The following PID1 variants were observed in gnomAD, a reference collection of about 807,000 sequenced individuals.
The protein encoded by PID1 is phosphotyrosine interaction domain containing 1, also known as PTB-containing, cubilin and LRP1-interacting protein.
Under a neutral mutation model 19.1 loss-of-function variants are expected in PID1, and 10 were observed. That is an observed-to-expected ratio of 0.52 (90% CI 0.32 to 0.89). PID1 has a LOEUF of 0.89. Ranked by LOEUF, PID1 falls within the 40% of genes least tolerant of loss-of-function variation. The pLI, the probability that PID1 is intolerant of heterozygous loss-of-function variation, is 0.03. For missense variants in PID1, 248 were observed against 285.3 expected, an observed-to-expected ratio of 0.87 and a Z score of 0.94; for synonymous variants, 130 against 116.0, an observed-to-expected ratio of 1.12 and a Z score of -0.78.
At chr2:229,145,825 C>A (rs1690118645) in intron 2 of PID1, among the ~76,000 whole-genome samples, 1 of 152,060 alleles carries the variant, frequency 6.6e-6, no homozygotes, top group African/African-American at 2.4e-5. Flanking sequence ...GTTAAAAAAA[C>A]CACAGGTTTT....
intron 1 of PID1, among the ~76,000 whole-genome samples, chr2:229,161,518 C>A (rs773009205): frequency 6.6e-6 from 1 of 152,048 alleles, no homozygotes; most frequent in Non-Finnish European, 1.5e-5. Context: ...TAAAAAGAAG[C>A]CATTAACAAA....
At chr2:229,265,913 A>G (rs1690581962) in intron 1 of PID1, among the ~76,000 whole-genome samples, 2 of 152,342 alleles carry the variant, frequency 1.3e-5, no homozygotes, top group South Asian at 4.1e-4. Context: ...AACTCAGTAC[A>G]GTCAACACGA....
chr2:229,065,079 T>C (rs1430034752), intron 2 of PID1, among the ~76,000 whole-genome samples: 2 of 152,150 alleles, frequency 1.3e-5, no homozygotes, highest in African/African-American at 2.4e-5. Context: ...CTTTAACAGC[T>C]TGCACAGATG....
intron 1 of PID1, among the ~76,000 whole-genome samples, chr2:229,235,806 C>T (rs898838398): frequency 2.6e-5 from 4 of 152,108 alleles, no homozygotes; most frequent in Non-Finnish European, 4.4e-5. Flanking sequence ...CAAGAAGAAA[C>T]GCCAGCCAAA....
At chr2:229,110,095 C>T (rs1383942166) in intron 2 of PID1, among the ~76,000 whole-genome samples, 2 of 152,196 alleles carry the variant, frequency 1.3e-5, no homozygotes, top group African/African-American at 2.4e-5. Context: ...GACCTAAAGA[C>T]GCTGTAACCT....
intron 1 of PID1, among the ~76,000 whole-genome samples, chr2:229,157,915 C>T (rs890449157): frequency 1.3e-5 from 2 of 152,128 alleles, no homozygotes; most frequent in African/African-American, 4.8e-5. Flanking sequence ...CTTCCTTACT[C>T]ATCAGTAAGA....
At chr2:229,264,404 A>C (rs1690540617) in intron 1 of PID1, among the ~76,000 whole-genome samples, 1 of 152,158 alleles carries the variant, frequency 6.6e-6, no homozygotes, top group Non-Finnish European at 1.5e-5. Context: ...GTCAACTCAG[A>C]CCATTTTCAG....
chr2:229,026,069 A>G lies in PID1; in HGVS notation c.217T>C (p.Phe73Leu). 6.2e-7 allele frequency: 1 copy of G among 1,614,134 alleles called. No individual in the cohort carries two copies. ...LGKVSTTGMQ[F>L]LSGCTEKPVI... ...GGCTTTTCTGTGCAGCCTGACAAAA[A>G]CTGCATGCCAGTGGTGGAGACTTTG... is the stretch of plus-strand genomic sequence containing the variant. The change falls in exon 3 of 3, where the codon TTT becomes CTT. Residue 73 changes from phenylalanine to leucine, a missense_variant. By Grantham distance (22) the Phe-to-Leu change is conservative. Coordinates refer to ENST00000392055, the MANE Select transcript of PID1 (RefSeq NM_001100818.2).
At chr2:229,208,155 G>A (rs1225625216) in intron 1 of PID1, among the ~76,000 whole-genome samples, 4 of 152,180 alleles carry the variant, frequency 2.6e-5, no homozygotes, top group Admixed American at 2.6e-4. Context: ...GTCAATGAAT[G>A]AGTCCATTTC....
chr2:229,184,909 C>T (rs1275609466), intron 1 of PID1, among the ~76,000 whole-genome samples: 5 of 141,000 alleles, frequency 3.5e-5, no homozygotes, highest in African/African-American at 1.3e-4. Flanking sequence ...ATATGTATCC[C>T]ATATATATCC....
intron 1 of PID1, among the ~76,000 whole-genome samples, chr2:229,269,190 C>T (rs955772582): frequency 6.6e-6 from 1 of 151,308 alleles, no homozygotes; most frequent in African/African-American, 2.4e-5. Flanking sequence ...TTTATATGAG[C>T]TTTCAAAAGC....
At chr2:229,258,050 G>A (rs1690350527) in intron 1 of PID1, among the ~76,000 whole-genome samples, 2 of 152,200 alleles carry the variant, frequency 1.3e-5, no homozygotes, top group South Asian at 2.1e-4. Context: ...CCTTTCAACA[G>A]CAATATCTCC....
chr2:229,227,709 C>T (rs1330771368), intron 1 of PID1, among the ~76,000 whole-genome samples: 1 of 152,142 alleles, frequency 6.6e-6, no homozygotes, highest in Non-Finnish European at 1.5e-5. Context: ...ATATAGTTGG[C>T]CCTCTGTACC....
chr2:229,087,976 C>A (rs1574618631), intron 2 of PID1, among the ~76,000 whole-genome samples: 2 of 152,194 alleles, frequency 1.3e-5, no homozygotes, highest in East Asian at 1.9e-4. Context: ...ACATGCACCC[C>A]CCACACACAA....
intron 2 of PID1, among the ~76,000 whole-genome samples, chr2:229,037,795 T>C (rs1021102285): frequency 3.9e-5 from 6 of 151,992 alleles, no homozygotes; most frequent in African/African-American, 1.5e-4. Flanking sequence ...GTCAGAAGAG[T>C]ATGCTGAAAA....
chr2:229,190,822 C>T (rs527756702), intron 1 of PID1, among the ~76,000 whole-genome samples: 2 of 152,282 alleles, frequency 1.3e-5, no homozygotes, highest in South Asian at 4.1e-4. Flanking sequence ...AAGCCTCTCA[C>T]TTCCCAAGGA....
intron 2 of PID1, among the ~76,000 whole-genome samples, chr2:229,035,666 C>T (rs756139241): frequency 6.6e-6 from 1 of 152,156 alleles, no homozygotes; most frequent in Non-Finnish European, 1.5e-5. Context: ...AGTCCTCCAC[C>T]ACAAAACAAA....
At chr2:229,208,817 G>C (rs1276007748) in intron 1 of PID1, among the ~76,000 whole-genome samples, 1 of 152,208 alleles carries the variant, frequency 6.6e-6, no homozygotes, top group Non-Finnish European at 1.5e-5. Flanking sequence ...AGAGGGACAG[G>C]AAAAGGGAGA....
At chr2:229,188,024 TC>T (rs1691172714) in intron 1 of PID1, among the ~76,000 whole-genome samples, 1 of 152,174 alleles carries the variant, frequency 6.6e-6, no homozygotes, top group African/African-American at 2.4e-5. Context: ...CCCTACTTAT[TC>T]CTATTGACTT....
Sources: gnomAD v4.1 joint callset for allele counts (sites outside exome capture counted in the v4.1 genomes callset) on GRCh38, gnomAD v4.1.1 for gene constraint, MANE v1.5 for transcripts, NCBI Gene and HGNC (gene_info 2026-07-23, HGNC 2026-07-21) for gene names.